Variants in CHD6 observed in about 807,000 individuals in gnomAD.
CHD6 encodes chromodomain helicase DNA binding protein 6, also known as ATP-dependent chromatin remodeler CHD6.
In CHD6, 50 loss-of-function variants were observed where a neutral mutation model predicts 276.9. The ratio of observed to expected loss-of-function variants is 0.18; its 90% CI spans 0.14 to 0.23. CHD6 has a LOEUF of 0.23. Ranked by LOEUF, CHD6 falls within the 10% of genes least tolerant of loss-of-function variation. CHD6 has a pLI of 1.00. For synonymous variants in CHD6, 1,173 were observed against 1,229.3 expected (o/e 0.95, Z 0.96); for missense variants, 2,564 against 3,365.8 (o/e 0.76, Z 5.89).
intron 25 of CHD6, among the ~76,000 whole-genome samples, chr20:41,443,679 C>T (rs2047969742): frequency 6.6e-6 from 1 of 152,194 alleles, no homozygotes; most frequent in African/African-American, 2.4e-5. Context: ...CTTTATCACT[C>T]AGGGATCTGT....
At chr20:41,524,991 G>A (rs183077785) in intron 3 of CHD6, among the ~76,000 whole-genome samples, 2 of 152,042 alleles carry the variant, frequency 1.3e-5, no homozygotes, top group South Asian at 2.1e-4. Flanking sequence ...TTTCCTCTAC[G>A]GTCTTGGGGT....
rs2047216007 is a variant in CHD6, at chr20:41,422,151, C to T, written c.4556-72G>A. 1.4e-5 allele frequency: 21 copies of T among 1,483,038 alleles called. No individual in the cohort carries two copies. In the Middle Eastern group the frequency reaches 5.8e-4, roughly 41 times the overall value. The allele number at this position is 1,483,038 out of a possible 1,614,324, so 91.9% of individuals were successfully genotyped here. ...CACTCCCCGCCCACCTGAGCCCCTG[C>T]ATCTTTGGTCTTGGAGTTTAGCTCC... On this transcript the variant is annotated intron_variant, in intron 30 of 36. Coordinates refer to ENST00000373233, the MANE Select transcript of CHD6 (RefSeq NM_032221.5).
intron 8 of CHD6, among the ~76,000 whole-genome samples, chr20:41,496,276 C>T (rs2145886529): frequency 6.6e-6 from 1 of 152,248 alleles, no homozygotes; most frequent in East Asian, 1.9e-4. Context: ...AGAAAGATTC[C>T]AAGAACAATG....
At chr20:41,430,232 C>T (rs2047493569) in intron 27 of CHD6, among the ~76,000 whole-genome samples, 1 of 152,216 alleles carries the variant, frequency 6.6e-6, no homozygotes, top group African/African-American at 2.4e-5. Flanking sequence ...ATTTCAACTG[C>T]TTTTAATGAT....
intron 1 of CHD6, among the ~76,000 whole-genome samples, chr20:41,561,170 C>T (rs2045297567): frequency 6.6e-6 from 1 of 152,026 alleles, no homozygotes; most frequent in Non-Finnish European, 1.5e-5. Flanking sequence ...TGGCTGTGTT[C>T]CAATAAAACT....
intron 3 of CHD6, among the ~76,000 whole-genome samples, chr20:41,518,838 G>C (rs528032206): frequency 5.0e-4 from 76 of 152,228 alleles, no homozygotes; most frequent in Admixed American, 2.3e-3. Context: ...ACCAGATAAG[G>C]TATATATTTC....
At chr20:41,445,856 G>A in intron 24 of CHD6, 88 bp from the exon 25 acceptor site, 1 of 749,264 alleles carries the variant, frequency 1.3e-6, no homozygotes. Flanking sequence ...GGCATGCTGA[G>A]ATGCTAAAGT....
intron 17 of CHD6, among the ~76,000 whole-genome samples, chr20:41,469,268 T>G (rs944847931): frequency 6.6e-6 from 1 of 152,110 alleles, no homozygotes; most frequent in Non-Finnish European, 1.5e-5. Flanking sequence ...TCAGGGACCT[T>G]AGCAGCAGGA....
At chr20:41,519,430 GTTAT>G (rs1242900499) in intron 3 of CHD6, among the ~76,000 whole-genome samples, 1 of 152,124 alleles carries the variant, frequency 6.6e-6, no homozygotes, top group Middle Eastern at 3.2e-3. Flanking sequence ...TATTCATGAG[GTTAT>G]TTATTACAAC....
chr20:41,421,379 T>A lies in CHD6; in HGVS notation c.5256A>T (p.Ala1752=). The A allele has an allele frequency of 6.2e-7, 1 of 1,614,086 alleles. No homozygotes were observed. Among genetic ancestry groups the A allele is most frequent in the African/African-American group, 1.3e-5 (1 of 75,058 alleles). The change falls in exon 31 of 37, where the codon GCA becomes GCT. Residue 1752 remains alanine, a synonymous_variant. Coordinates refer to ENST00000373233, the MANE Select transcript of CHD6 (RefSeq NM_032221.5). ...TAAAAGTAGGGCCAGAAGCTATTTC[T>A]GCCTCAGGGCCACCAGACTGGCAGT... ...DGNCQSGGPE[A]EIASGPTFMG...
At chr20:41,439,708 G>A in intron 26 of CHD6, among the ~76,000 whole-genome samples, 1 of 152,238 alleles carries the variant, frequency 6.6e-6, no homozygotes, top group South Asian at 2.1e-4. Context: ...ACCAGACAAG[G>A]GATGGACATG....
Position 41,493,847 on chromosome 20 carries a change from C to T in CHD6, c.1179+11G>A. 6.2e-7 allele frequency: 1 copy of T among 1,608,812 alleles called. No homozygotes were observed. Among genetic ancestry groups the T allele is most frequent in the Non-Finnish European group, 8.5e-7 (1 of 1,175,394 alleles). On this transcript the variant is annotated intron_variant, in intron 9 of 36. Coordinates refer to ENST00000373233, the MANE Select transcript of CHD6 (RefSeq NM_032221.5). ...AGAAGGGAAGATGCTTCAGGAGAGGCAAATACCCACCTCCCCTGTTTCTGC... is the reference window on the plus strand; with the variant it reads ...AGAAGGGAAGATGCTTCAGGAGAGGTAAATACCCACCTCCCCTGTTTCTGC...
intron 1 of CHD6, among the ~76,000 whole-genome samples, chr20:41,614,458 T>C (rs2146313438): frequency 6.6e-6 from 1 of 152,280 alleles, no homozygotes; most frequent in African/African-American, 2.4e-5. Flanking sequence ...TTCTTCAAAA[T>C]AGGAGCTATT....
intron 1 of CHD6, among the ~76,000 whole-genome samples, chr20:41,605,805 A>G (rs1249159733): frequency 6.6e-6 from 1 of 152,234 alleles, no homozygotes; most frequent in Non-Finnish European, 1.5e-5. Flanking sequence ...CCTAAAGAAG[A>G]TTCTATTTAA....
At position 41,406,828 on chromosome 20, in the gene CHD6, G is replaced by A. The variant is rs920040150; in HGVS notation, c.7252-1339C>T. ...ACATGCCCATGGTATTAAAAAAGGT[G>A]AACTGTACTTGTGCAGTTCAGCAGT... On this transcript the variant is annotated intron_variant, in intron 36 of 36. Transcript: ENST00000373233. Among the ~76,000 whole-genome samples, 17 of 152,304 alleles carry A rather than the reference G, an allele frequency of 1.1e-4. No homozygotes were observed. The South Asian group carries it at 1.9e-3, about 17-fold the overall frequency.
At chr20:41,476,999 G>A (rs2043182608) in intron 16 of CHD6, among the ~76,000 whole-genome samples, 1 of 152,072 alleles carries the variant, frequency 6.6e-6, no homozygotes, top group Non-Finnish European at 1.5e-5. Flanking sequence ...CAATTTGGGA[G>A]GCCAAGGCGG....
At chr20:41,442,988 CTT>C (rs1367840290) in intron 25 of CHD6, among the ~76,000 whole-genome samples, 4 of 152,236 alleles carry the variant, frequency 2.6e-5, no homozygotes, top group African/African-American at 9.6e-5. Flanking sequence ...TTTTTCTTCT[CTT>C]GTCTTTATAG....
Position 41,473,986 on chromosome 20 carries a change from G to A in CHD6, c.2469-469C>T, listed in dbSNP as rs2043116425. On this transcript the variant is annotated intron_variant, in intron 16 of 36. Transcript: ENST00000373233. The surrounding 1 kb of genome is among the most constrained non-coding windows in gnomAD (Gnocchi z 4.1). ...AGCTACTTTAGGGTAAACCAGAAAT[G>A]GTAAGAAGATTAAACTGTGAGGCAG... 6.6e-6 allele frequency among the ~76,000 whole-genome samples: 1 copy of A among 152,172 alleles called. No homozygotes were observed. Among genetic ancestry groups the A allele is most frequent in the Admixed American group, 6.5e-5 (1 of 15,272 alleles).
chr20:41,491,620 C>G lies in CHD6; in HGVS notation c.1436+78G>C. 3 of 1,562,290 alleles carry G rather than the reference C, an allele frequency of 1.9e-6. No individual in the cohort carries two copies. The South Asian group carries it at 3.4e-5, about 18-fold the overall frequency. ...GCTGCTCCCTCTCACCAGTCTGCTA[C>G]TGCGACTCTAGGTGTTCCAGGCTAA... On this transcript the variant is annotated intron_variant, in intron 11 of 36. Transcript: ENST00000373233.
Sources: allele counts gnomAD v4.1 joint callset (sites outside exome capture counted in the v4.1 genomes callset), GRCh38; gene constraint gnomAD v4.1.1; non-coding constraint Gnocchi (gnomAD v3.1); transcripts MANE v1.5; gene names NCBI Gene and HGNC (gene_info 2026-07-23, HGNC 2026-07-21).